Variants in EPHA6 observed in about 807,000 individuals in gnomAD.
EPHA6 encodes the protein ephrin type-A receptor 6.
EPHA6 carries 50 observed loss-of-function variants against 112.0 expected under a neutral mutation model. The ratio of observed to expected loss-of-function variants is 0.45; its 90% CI spans 0.36 to 0.56. The LOEUF is 0.56. EPHA6 is among the 20% of genes least tolerant of loss of function. The probability of loss-of-function intolerance (pLI) is 0.00; values close to 1 mark genes in which losing one functional copy is unlikely to be tolerated. For missense variants in EPHA6, 1,280 were observed against 1,417.4 expected (o/e 0.90, Z 1.56); for synonymous variants, 529 against 490.7 (o/e 1.08, Z -1.03).
intron 12 of EPHA6, among the ~76,000 whole-genome samples, chr3:97,602,070 C>T (rs988703199): frequency 6.6e-6 from 1 of 151,968 alleles, no homozygotes; most frequent in East Asian, 1.9e-4. Flanking sequence ...TAGTGTCTTC[C>T]CCAGAGTTTT....
At chr3:97,326,953 A>G (rs1318088876) in intron 5 of EPHA6, among the ~76,000 whole-genome samples, 1 of 152,092 alleles carries the variant, frequency 6.6e-6, no homozygotes, top group Non-Finnish European at 1.5e-5. Flanking sequence ...AGGAGCTTAT[A>G]TCAGTGATTT....
intron 7 of EPHA6, among the ~76,000 whole-genome samples, chr3:97,474,310 ATTAT>A (rs1463961440): frequency 3.1e-4 from 47 of 152,038 alleles, no homozygotes; most frequent in African/African-American, 1.1e-3. Context: ...ATTAATAGAT[ATTAT>A]TTATTTTCAG....
At chr3:97,747,226 C>T (rs1393275282) in intron 16 of EPHA6, among the ~76,000 whole-genome samples, 197 bp from the exon 17 acceptor site, 1 of 151,870 alleles carries the variant, frequency 6.6e-6, no homozygotes, top group Admixed American at 6.6e-5. Flanking sequence ...AAGTGTTCCA[C>T]CAGATAAGTC....
chr3:97,448,554 T>G lies in EPHA6; in HGVS notation c.1732-14T>G, dbSNP rs776290115. 6.2e-7 allele frequency: 1 copy of G among 1,612,396 alleles called. No homozygotes were observed. The highest frequency in any genetic ancestry group is 1.1e-5 in the South Asian group (1 of 90,952). ...TCTGTTTCATTTCCTTTCTCCTTTT[T>G]TTCTGTCCCCCAGGAACATGAGCAG... is the stretch of plus-strand genomic sequence containing the variant. On this transcript the variant is annotated splice_polypyrimidine_tract_variant and intron_variant, in intron 6 of 17. Coordinates refer to ENST00000389672, the MANE Select transcript of EPHA6 (RefSeq NM_001080448.3).
intron 11 of EPHA6, among the ~76,000 whole-genome samples, chr3:97,590,526 T>TTA (rs2093533194): frequency 6.6e-6 from 1 of 152,190 alleles, no homozygotes; most frequent in East Asian, 1.9e-4. Context: ...GTGTAACATA[T>TTA]TAACATTATC....
chr3:96,983,342 G>C (rs538639273), intron 2 of EPHA6, among the ~76,000 whole-genome samples: 6 of 152,130 alleles, frequency 3.9e-5, no homozygotes, highest in African/African-American at 1.4e-4. Flanking sequence ...GAAATTCTGG[G>C]TTGTAAATTC....
chr3:97,129,397 G>A (rs1428299720), intron 3 of EPHA6, among the ~76,000 whole-genome samples: 6 of 151,962 alleles, frequency 3.9e-5, no homozygotes, highest in African/African-American at 1.2e-4. Flanking sequence ...AGCTACTCAG[G>A]AGGCTGAGGC....
intron 5 of EPHA6, among the ~76,000 whole-genome samples, chr3:97,387,200 A>T (rs1265916305): frequency 1.3e-5 from 2 of 152,070 alleles, no homozygotes; most frequent in Admixed American, 1.3e-4. Flanking sequence ...ACTTATGCAA[A>T]TTTCTGCAGC....
chr3:97,597,591 C>T (rs907649187), intron 12 of EPHA6, among the ~76,000 whole-genome samples: 4 of 152,188 alleles, frequency 2.6e-5, no homozygotes, highest in Admixed American at 2.6e-4. Flanking sequence ...CTATAAACCA[C>T]ATATCCAATA....
intron 5 of EPHA6, among the ~76,000 whole-genome samples, chr3:97,334,432 A>G (rs1479490813): frequency 6.6e-6 from 1 of 150,670 alleles, no homozygotes; most frequent in African/African-American, 2.4e-5. Flanking sequence ...TGCCTGGACA[A>G]CTTTTTAATG....
chr3:97,703,204 C>T (rs1273751783), intron 14 of EPHA6, among the ~76,000 whole-genome samples: 1 of 152,128 alleles, frequency 6.6e-6, no homozygotes, highest in African/African-American at 2.4e-5. Flanking sequence ...AAAACTGGGC[C>T]AAACGGTTCT....
intron 5 of EPHA6, among the ~76,000 whole-genome samples, chr3:97,371,646 T>C (rs903165461): frequency 6.6e-6 from 1 of 152,142 alleles, no homozygotes; most frequent in Non-Finnish European, 1.5e-5. Flanking sequence ...ATAACAGCAA[T>C]GTTCAAGGAA....
At chr3:97,648,859 C>G (rs1383498096) in intron 14 of EPHA6, among the ~76,000 whole-genome samples, 1 of 152,160 alleles carries the variant, frequency 6.6e-6, no homozygotes, top group African/African-American at 2.4e-5. Context: ...ACAGGATTCT[C>G]TGTCATCAAG....
intron 3 of EPHA6, among the ~76,000 whole-genome samples, chr3:97,069,745 A>T (rs1289797177): frequency 6.6e-6 from 1 of 152,186 alleles, no homozygotes; most frequent in Non-Finnish European, 1.5e-5. Flanking sequence ...AATGTTTTTT[A>T]ATAAATATGC....
At chr3:96,872,609 G>A (rs998904645) in intron 2 of EPHA6, among the ~76,000 whole-genome samples, 1 of 151,994 alleles carries the variant, frequency 6.6e-6, no homozygotes, top group African/African-American at 2.4e-5. Context: ...CAGAATTCCA[G>A]GTTGGTGGGC....
At chr3:97,166,315 G>T (rs530654468) in intron 3 of EPHA6, among the ~76,000 whole-genome samples, 1 of 151,334 alleles carries the variant, frequency 6.6e-6, no homozygotes, top group Non-Finnish European at 1.5e-5. Context: ...AAACATTTAT[G>T]CTTTCATCCT....
chr3:96,895,876 A>G (rs1055064276), intron 2 of EPHA6, among the ~76,000 whole-genome samples: 10 of 152,148 alleles, frequency 6.6e-5, no homozygotes, highest in East Asian at 3.9e-4. Flanking sequence ...AGGGACACCA[A>G]TCATTGAATT....
intron 1 of EPHA6, among the ~76,000 whole-genome samples, chr3:96,824,800 A>G (rs11915010): frequency 0.11 from 16,130 of 152,016 alleles, 1,528 homozygotes; most frequent in Admixed American, 0.24. Flanking sequence ...TTGAGAATAA[A>G]TATTCATTTA....
intron 3 of EPHA6, among the ~76,000 whole-genome samples, chr3:97,163,362 A>G (rs1285448624): frequency 6.6e-5 from 10 of 152,176 alleles, no homozygotes; most frequent in Admixed American, 5.2e-4. Context: ...CCAGCTCCCC[A>G]AACGACAAAA....
Sources: allele counts gnomAD v4.1 joint callset (sites outside exome capture counted in the v4.1 genomes callset), GRCh38; gene constraint gnomAD v4.1.1; transcripts MANE v1.5; gene names NCBI Gene and HGNC (gene_info 2026-07-23, HGNC 2026-07-21).